SGTB: variants seen among roughly 807,000 people sequenced by gnomAD.
SGTB encodes the protein small glutamine rich tetratricopeptide repeat co-chaperone beta.
SGTB carries 19 observed loss-of-function variants against 43.9 expected under a neutral mutation model. The ratio of observed to expected loss-of-function variants is 0.43; its 90% CI spans 0.30 to 0.63. The LOEUF (loss-of-function observed/expected upper bound fraction) is 0.63, where lower values mean the gene tolerates loss of function less well. Ranked by LOEUF, SGTB falls within the 30% of genes least tolerant of loss-of-function variation. The probability of loss-of-function intolerance (pLI) is 0.12; values close to 1 mark genes in which losing one functional copy is unlikely to be tolerated. For synonymous variants in SGTB, 116 were observed against 117.3 expected (o/e 0.99, Z 0.07); for missense variants, 304 against 358.9 (o/e 0.85, Z 1.24).
At chr5:65,677,142 G>T (rs1390039408) in intron 8 of SGTB, among the ~76,000 whole-genome samples, 1 of 151,720 alleles carries the variant, frequency 6.6e-6, no homozygotes, top group Non-Finnish European at 1.5e-5. Flanking sequence ...TATTACCACT[G>T]ACCCCACAGA....
rs557837951 is a variant in SGTB at position 65,673,962 on chromosome 5, T to C, written c.682-1681A>G. On this transcript the variant is annotated intron_variant, in intron 8 of 10. Transcript: ENST00000381007. ...TGAGCCAGCACACCAAGGCCTATAG[T>C]GCTTCTTTATCCTGTAGTACTTCCA... is the stretch of plus-strand genomic sequence containing the variant. Among the ~76,000 whole-genome samples, 7 of 152,320 alleles carry C rather than the reference T, an allele frequency of 4.6e-5. No homozygotes were observed. In the East Asian group the frequency reaches 1.4e-3, roughly 29 times the overall value.
At chr5:65,709,925 A>T (rs1758013446) in intron 3 of SGTB, among the ~76,000 whole-genome samples, 1 of 152,182 alleles carries the variant, frequency 6.6e-6, no homozygotes, top group South Asian at 2.1e-4. Flanking sequence ...TATATCCATC[A>T]TTACCTTTGT....
intron 5 of SGTB, among the ~76,000 whole-genome samples, chr5:65,698,114 C>A (rs1033260849): frequency 1.6e-4 from 24 of 152,144 alleles, no homozygotes; most frequent in African/African-American, 5.6e-4. Context: ...GGATTACAGG[C>A]ACCCTCCACC....
chr5:65,667,013 A>T lies in SGTB; in HGVS notation c.*3233T>A, dbSNP rs1349956754. 2 of 152,122 alleles carry T rather than the reference A, an allele frequency of 1.3e-5. No individual in the cohort carries two copies. Among genetic ancestry groups the T allele is most frequent in the Admixed American group, 1.3e-4 (2 of 15,272 alleles). 9.4% of individuals were successfully genotyped at this position (152,122 alleles called of 1,614,324 possible). On this transcript the variant is annotated 3_prime_UTR_variant, in exon 11 of 11. Coordinates refer to ENST00000381007, the MANE Select transcript of SGTB (RefSeq NM_019072.3). Reference sequence around the variant, plus strand: ...TATTTCTCCCTTAAGTGTTTGGTAAAATTCATCACGGAAGTTATCTGGGCC... The same window carrying T: ...TATTTCTCCCTTAAGTGTTTGGTAATATTCATCACGGAAGTTATCTGGGCC...
rs2150713556 is a variant in SGTB at position 65,694,735 on chromosome 5, C to T, written c.375-9263G>A. Among the ~76,000 whole-genome samples, 2 of 152,134 alleles carry T rather than the reference C, an allele frequency of 1.3e-5. 1 individual carries two copies. Among genetic ancestry groups the T allele is most frequent in the Middle Eastern group, 6.8e-3 (2 of 294 alleles). Reference sequence around the variant, plus strand: ...TCAGGTGATTCACCCACCTCGGCCTCCCAAAGCATAATGGGTTTTGAAGGA... The same window carrying T: ...TCAGGTGATTCACCCACCTCGGCCTTCCAAAGCATAATGGGTTTTGAAGGA... On this transcript the variant is annotated intron_variant, in intron 5 of 10. Coordinates refer to ENST00000381007, the MANE Select transcript of SGTB (RefSeq NM_019072.3).
chr5:65,719,019 C>G (rs1287902028), intron 2 of SGTB, among the ~76,000 whole-genome samples: 1 of 152,164 alleles, frequency 6.6e-6, no homozygotes, highest in Non-Finnish European at 1.5e-5. Flanking sequence ...TTCACATAGT[C>G]TAATCATCAA....
intron 4 of SGTB, among the ~76,000 whole-genome samples, chr5:65,705,477 A>G (rs1757913636): frequency 6.6e-6 from 1 of 152,042 alleles, no homozygotes; most frequent in Admixed American, 6.6e-5. Flanking sequence ...AAGAAAAAGA[A>G]AATATTAGAA....
intron 4 of SGTB, among the ~76,000 whole-genome samples, chr5:65,706,018 A>C (rs1757927282): frequency 6.6e-6 from 1 of 152,144 alleles, no homozygotes; most frequent in Admixed American, 6.5e-5. Flanking sequence ...CCTGGTCGAA[A>C]GAGTGAGACC....
upstream of SGTB, chr5:65,722,506 C>A (rs1579896522): frequency 1.7e-6 from 2 of 1,175,716 alleles, no homozygotes; most frequent in African/African-American, 1.6e-5. Flanking sequence ...CCTTCCCGAC[C>A]GCGCCTCTCC....
At position 65,680,667 on chromosome 5, in the gene SGTB, C is replaced by T; in HGVS notation, c.607G>A (p.Val203Ile). 1 of 1,613,986 alleles carries T rather than the reference C, an allele frequency of 6.2e-7. No individual in the cohort carries two copies. The highest frequency in any genetic ancestry group is 8.5e-7 in the Non-Finnish European group (1 of 1,179,992). The change falls in exon 7 of 11, where the codon GTA becomes ATA. Residue 203 changes from valine (V) to isoleucine (I), a missense_variant. Val to Ile is a conservative substitution (Grantham distance 29). Coordinates refer to ENST00000381007, the MANE Select transcript of SGTB (RefSeq NM_019072.3). ...LKIAEQKLRE[V>I]SSPTGTGLSF... ...CATTAACAACTTACAGGACTGGATA[C>T]CTCTCTTAACTTCTGTTCTGCTATT...
Position 65,669,176 on chromosome 5 carries a change from A to G in SGTB, c.*1070T>C, listed in dbSNP as rs531745911. 9.2e-5 allele frequency: 14 copies of G among 151,532 alleles called. No individual in the cohort carries two copies. The East Asian group carries it at 2.3e-3, about 25-fold the overall frequency. The allele number at this position is 151,532 out of a possible 1,614,324, so 9.4% of individuals were successfully genotyped here. On this transcript the variant is annotated 3_prime_UTR_variant, in exon 11 of 11. Transcript: ENST00000381007. ...GCATCAAATTTAAATTATGTTAATT[A>G]TAAGACTGGCATGCCAAGCCAAATT...
intron 8 of SGTB, among the ~76,000 whole-genome samples, chr5:65,676,924 CAA>C (rs907196220): frequency 6.7e-5 from 10 of 149,882 alleles, no homozygotes; most frequent in African/African-American, 2.5e-4. Flanking sequence ...ACTAGAGAAA[CAA>C]GAGCAAACAA....
chr5:65,720,081 C>CTT (rs11312137), intron 2 of SGTB, among the ~76,000 whole-genome samples: 41 of 124,962 alleles, frequency 3.3e-4, no homozygotes, highest in African/African-American at 6.0e-4. Flanking sequence ...TTTTCTTTTT[C>CTT]TTTTTTTTTT....
chr5:65,712,527 C>T (rs748950515), intron 3 of SGTB, among the ~76,000 whole-genome samples: 4 of 152,244 alleles, frequency 2.6e-5, no homozygotes, highest in Non-Finnish European at 5.9e-5. Flanking sequence ...AATTCTGCTT[C>T]AGAAATGACG....
intron 5 of SGTB, among the ~76,000 whole-genome samples, chr5:65,703,941 G>A (rs548528088): frequency 5.1e-4 from 77 of 150,612 alleles, no homozygotes; most frequent in African/African-American, 1.8e-3. Flanking sequence ...GGGAGGCTGA[G>A]GCAGGAGAAG....
At chr5:65,696,319 G>A (rs1757713864) in intron 5 of SGTB, among the ~76,000 whole-genome samples, 1 of 152,128 alleles carries the variant, frequency 6.6e-6, no homozygotes, top group Non-Finnish European at 1.5e-5. Context: ...ATCCACCCCT[G>A]AAGCATGAGC....
intron 8 of SGTB, among the ~76,000 whole-genome samples, chr5:65,677,799 T>C (rs1294601994): frequency 1.3e-5 from 2 of 152,194 alleles, no homozygotes; most frequent in Admixed American, 1.3e-4. Context: ...CATCCTTTCA[T>C]ATAAGAAACT....
chr5:65,722,173 TGGGGCGGGGCACGGCGC>T, upstream of SGTB: 1 of 255,088 alleles, frequency 3.9e-6, no homozygotes, highest in Admixed American at 5.5e-5. Context: ...ACACGCGAGC[TGGGGCGGGGCACGGCGC>T]GGGGCGGGGC....
At chr5:65,703,719 G>A (rs563658981) in intron 5 of SGTB, among the ~76,000 whole-genome samples, 76 of 149,312 alleles carry the variant, frequency 5.1e-4, no homozygotes, top group African/African-American at 1.9e-3. Flanking sequence ...GTGAGACCAC[G>A]TCTCAAAAAA....
Sources: gnomAD v4.1 joint callset for allele counts (sites outside exome capture counted in the v4.1 genomes callset) on GRCh38, gnomAD v4.1.1 for gene constraint, MANE v1.5 for transcripts, NCBI Gene and HGNC (gene_info 2026-07-23, HGNC 2026-07-21) for gene names.